AFAP1: variants seen among roughly 807,000 people sequenced by gnomAD.
The protein encoded by AFAP1 is actin filament-associated protein 1.
AFAP1 carries 75 observed loss-of-function variants against 93.9 expected under a neutral mutation model. The observed-to-expected ratio is 0.80, with a 90% CI of 0.66 to 0.97. AFAP1 has a LOEUF of 0.97. Ranked by LOEUF, AFAP1 falls within the 50% of genes least tolerant of loss-of-function variation. AFAP1 has a pLI of 0.00. For synonymous variants in AFAP1, 517 were observed against 430.7 expected (o/e 1.20, Z -2.48); for missense variants, 1,201 against 1,050.8 (o/e 1.14, Z -1.98).
intron 1 of AFAP1, among the ~76,000 whole-genome samples, chr4:7,924,724 A>G (rs1376914222): frequency 6.6e-6 from 1 of 152,110 alleles, no homozygotes; most frequent in Non-Finnish European, 1.5e-5. Context: ...CTGCCCGCCC[A>G]GGACACCAAC....
intron 1 of AFAP1, among the ~76,000 whole-genome samples, chr4:7,901,004 T>C (rs533848947): frequency 5.3e-5 from 8 of 152,362 alleles, no homozygotes; most frequent in African/African-American, 1.9e-4. Context: ...TTCCAATGCC[T>C]TCCTTCTGCG....
intron 6 of AFAP1, among the ~76,000 whole-genome samples, chr4:7,825,657 C>G (rs1560182760): frequency 6.6e-6 from 1 of 151,906 alleles, no homozygotes; most frequent in Non-Finnish European, 1.5e-5. Flanking sequence ...ACTCAATTAT[C>G]TAAGTGTACG....
At chr4:7,855,381 C>T in intron 4 of AFAP1, 85 bp downstream of exon 4, 2 of 1,064,604 alleles carry the variant, frequency 1.9e-6, no homozygotes, top group South Asian at 1.5e-5. Context: ...TACCCTGTTG[C>T]CCTTCCTACC....
intron 6 of AFAP1, among the ~76,000 whole-genome samples, chr4:7,833,879 C>T (rs1482459001): frequency 7.2e-5 from 11 of 152,052 alleles, no homozygotes; most frequent in South Asian, 4.2e-4. Flanking sequence ...CAAGCCACTG[C>T]GCCCGACCTG....
chr4:7,813,727 C>G (rs1349587632), intron 8 of AFAP1, among the ~76,000 whole-genome samples: 2 of 152,166 alleles, frequency 1.3e-5, no homozygotes, highest in Non-Finnish European at 2.9e-5. Context: ...ATGGACAGAA[C>G]CAAAATTGCA....
rs557467462 is a variant in AFAP1, at chr4:7,875,772, T to A, written c.-2-3692A>T. On this transcript the variant is annotated intron_variant, in intron 1 of 17. Transcript: ENST00000420658. ...ATTCATCCATTAAAAAGAAAAAAATTCAGATAAATGCTGCAACATGAACAA... is the reference window on the plus strand; with the variant it reads ...ATTCATCCATTAAAAAGAAAAAAATACAGATAAATGCTGCAACATGAACAA... 2.0e-4 allele frequency among the ~76,000 whole-genome samples: 31 copies of A among 152,162 alleles called. 1 individual carries two copies. The South Asian group carries it at 6.4e-3, about 32-fold the overall frequency.
At chr4:7,910,623 G>T (rs944252002) in intron 1 of AFAP1, among the ~76,000 whole-genome samples, 2 of 152,170 alleles carry the variant, frequency 1.3e-5, no homozygotes, top group Non-Finnish European at 2.9e-5. Flanking sequence ...ACCAAAAGAA[G>T]AACTGCAGAG....
At position 7,826,532 on chromosome 4, in the gene AFAP1, G is replaced by A. The variant is rs566170877; in HGVS notation, c.727-7361C>T. Reference sequence around the variant, plus strand: ...AGACCACTTAGCAAGTGAAAAAGCTGGCCGGTAGGCCAAAAACAAAAACAA... The same window carrying A: ...AGACCACTTAGCAAGTGAAAAAGCTAGCCGGTAGGCCAAAAACAAAAACAA... On this transcript the variant is annotated intron_variant, in intron 6 of 17. Transcript: ENST00000420658. Among the ~76,000 whole-genome samples, 67 of 152,378 alleles carry A rather than the reference G, an allele frequency of 4.4e-4. No homozygotes were observed. In the East Asian group the frequency reaches 0.01, roughly 23 times the overall value.
chr4:7,773,059 C>T (rs756740608), intron 15 of AFAP1, 49 bp from the exon 16 acceptor site: 17 of 1,572,388 alleles, frequency 1.1e-5, no homozygotes, highest in Non-Finnish European at 1.5e-5. Flanking sequence ...ACAGGTTCTC[C>T]AAACAACAGA....
chr4:7,809,074 T>A (rs974192342), intron 9 of AFAP1, among the ~76,000 whole-genome samples: 5 of 152,152 alleles, frequency 3.3e-5, no homozygotes, highest in Non-Finnish European at 5.9e-5. Context: ...TTTTTTTTTT[T>A]TATACTTTAA....
At chr4:7,912,959 G>A (rs2149227863) in intron 1 of AFAP1, among the ~76,000 whole-genome samples, 1 of 152,192 alleles carries the variant, frequency 6.6e-6, no homozygotes, top group Admixed American at 6.5e-5. Flanking sequence ...TTATCCTCCT[G>A]CCTCAGCCTC....
At position 7,759,163 on chromosome 4, in the gene AFAP1, ATTTCC is replaced by A. The variant is rs1713420185; in HGVS notation, c.*4597_*4601del. 6.5e-6 allele frequency: 1 copy of A among 152,690 alleles called. No individual in the cohort carries two copies. Among genetic ancestry groups the A allele is most frequent in the East Asian group, 1.9e-4 (1 of 5,206 alleles). 9.5% of individuals were successfully genotyped at this position (152,690 alleles called of 1,614,324 possible). On this transcript the variant is annotated 3_prime_UTR_variant, in exon 18 of 18. Transcript: ENST00000420658. ...GTTGATGTTAAAATGTAAAGTGAAT[ATTTCC>A]TTTCTTGTTAGAAAATCAAAAAGAT...
intron 1 of AFAP1, among the ~76,000 whole-genome samples, chr4:7,905,269 C>A (rs776348780): frequency 1.1e-4 from 17 of 152,218 alleles, no homozygotes; most frequent in Non-Finnish European, 2.1e-4. Flanking sequence ...CAGGCAGAAA[C>A]CAGGGGCCAT....
intron 15 of AFAP1, chr4:7,773,856 A>G (rs891829517): frequency 1.3e-5 from 2 of 152,356 alleles, no homozygotes; most frequent in East Asian, 3.9e-4. Flanking sequence ...CCTTCATCAG[A>G]TCATTGAGGC....
chr4:7,887,973 C>A (rs180786545), intron 1 of AFAP1, among the ~76,000 whole-genome samples: 62 of 152,122 alleles, frequency 4.1e-4, no homozygotes, highest in African/African-American at 1.3e-3. Context: ...ATTACAGGCA[C>A]GCGCCACCAC....
chr4:7,807,236 G>C (rs532224272), intron 9 of AFAP1, among the ~76,000 whole-genome samples: 1 of 143,580 alleles, frequency 7.0e-6, no homozygotes, highest in South Asian at 2.2e-4. Context: ...TTTCCTTCTT[G>C]TTGGCTAATT....
intron 1 of AFAP1, among the ~76,000 whole-genome samples, chr4:7,929,104 T>G (rs915310594): frequency 6.6e-6 from 1 of 152,246 alleles, no homozygotes; most frequent in Non-Finnish European, 1.5e-5. Flanking sequence ...TCTGCTACAT[T>G]TCTCATGCAG....
At position 7,920,391 on chromosome 4, in the gene AFAP1, G is replaced by A. The variant is rs532989098; in HGVS notation, c.-3+19265C>T. Reference sequence around the variant, plus strand: ...AGTTTAACAATATCCAAATTATTGTGCGCTAACTTTTTGGATAAAATTTGT... The same window carrying A: ...AGTTTAACAATATCCAAATTATTGTACGCTAACTTTTTGGATAAAATTTGT... On this transcript the variant is annotated intron_variant, in intron 1 of 17. Coordinates refer to ENST00000420658, the MANE Select transcript of AFAP1 (RefSeq NM_001134647.2). 9.9e-5 allele frequency among the ~76,000 whole-genome samples: 15 copies of A among 152,162 alleles called. No homozygotes were observed. The South Asian group carries it at 3.1e-3, about 32-fold the overall frequency.
At chr4:7,906,807 G>A (rs946786725) in intron 1 of AFAP1, among the ~76,000 whole-genome samples, 1 of 152,176 alleles carries the variant, frequency 6.6e-6, no homozygotes, top group African/African-American at 2.4e-5. Flanking sequence ...GATCACCTGA[G>A]GTCGGAAGTT....
Sources: gnomAD v4.1 joint callset for allele counts (sites outside exome capture counted in the v4.1 genomes callset) on GRCh38, gnomAD v4.1.1 for gene constraint, MANE v1.5 for transcripts, NCBI Gene and HGNC (gene_info 2026-07-23, HGNC 2026-07-21) for gene names.